SDK1: variants seen among roughly 807,000 people sequenced by gnomAD.
SDK1 encodes the protein protein sidekick-1.
In SDK1, 157 loss-of-function variants were observed where a neutral mutation model predicts 245.5. The ratio of observed to expected loss-of-function variants is 0.64; its 90% CI spans 0.56 to 0.73. SDK1 has a LOEUF of 0.73. SDK1 is among the 30% of genes least tolerant of loss of function. The probability of loss-of-function intolerance (pLI) is 0.00; values close to 1 mark genes in which losing one functional copy is unlikely to be tolerated. For synonymous variants in SDK1, 1,647 were observed against 1,278.5 expected, an observed-to-expected ratio of 1.29 and a Z score of -6.15; for missense variants, 3,583 against 3,002.3, an observed-to-expected ratio of 1.19 and a Z score of -4.52.
chr7:4,041,109 A>G (rs919034861), intron 17 of SDK1, among the ~76,000 whole-genome samples: 6 of 152,146 alleles, frequency 3.9e-5, no homozygotes, highest in Non-Finnish European at 7.4e-5. Context: ...CAGACAAACA[A>G]ATTCACAGAT....
At chr7:3,318,538 C>T (rs1299198805) in intron 1 of SDK1, among the ~76,000 whole-genome samples, 1 of 152,194 alleles carries the variant, frequency 6.6e-6, no homozygotes, top group South Asian at 2.1e-4. Flanking sequence ...TGTGTTTCTC[C>T]TTCTCAACTG....
chr7:3,907,569 G>A lies in SDK1; in HGVS notation c.848-43354G>A, dbSNP rs76943162. ...ATTGGCTCTTGTGAATAATGCTGCA[G>A]TGAACATTCGTGTACAAGTATCTGT... On this transcript the variant is annotated intron_variant, in intron 5 of 44. Transcript: ENST00000404826. Among the ~76,000 whole-genome samples the A allele has an allele frequency of 1.2e-3, 183 of 152,306 alleles. 1 individual carries two copies. The East Asian group carries it at 0.033, about 27-fold the overall frequency.
intron 4 of SDK1, among the ~76,000 whole-genome samples, chr7:3,722,130 T>C (rs1246899841): frequency 3.9e-5 from 6 of 152,140 alleles, no homozygotes; most frequent in African/African-American, 1.4e-4. Flanking sequence ...TCTTCCTTCC[T>C]TGGACTCCCA....
intron 4 of SDK1, among the ~76,000 whole-genome samples, chr7:3,794,482 G>C (rs1020367772): frequency 6.6e-6 from 1 of 152,184 alleles, no homozygotes; most frequent in Non-Finnish European, 1.5e-5. Flanking sequence ...GGGCTCTTAA[G>C]AAGTGACTGG....
chr7:3,998,219 G>C (rs1784822145), intron 14 of SDK1, among the ~76,000 whole-genome samples: 1 of 152,238 alleles, frequency 6.6e-6, no homozygotes, highest in South Asian at 2.1e-4. Flanking sequence ...CTCGTAAGGG[G>C]CAGAGCTTCC....
At chr7:3,989,138 A>T (rs1784098225) in intron 14 of SDK1, among the ~76,000 whole-genome samples, 4 of 152,232 alleles carry the variant, frequency 2.6e-5, no homozygotes, top group African/African-American at 9.6e-5. Flanking sequence ...CTGCCAATAA[A>T]GACACACCCA....
chr7:3,409,326 G>T (rs1779136985), intron 1 of SDK1, among the ~76,000 whole-genome samples: 1 of 147,900 alleles, frequency 6.8e-6, no homozygotes, highest in Non-Finnish European at 1.5e-5. Flanking sequence ...ATGCCTTTGA[G>T]GCCATCTGAA....
At chr7:3,841,636 G>A (rs1178834542) in intron 5 of SDK1, among the ~76,000 whole-genome samples, 2 of 151,268 alleles carry the variant, frequency 1.3e-5, no homozygotes, top group South Asian at 2.1e-4. Context: ...GCGCAATCTC[G>A]GCTCACTGCA....
At chr7:3,614,752 G>T (rs371799009) in intron 1 of SDK1, among the ~76,000 whole-genome samples, 1 of 152,132 alleles carries the variant, frequency 6.6e-6, no homozygotes, top group Admixed American at 6.6e-5. Context: ...AATACGTGTC[G>T]TTATGATTTT....
intron 4 of SDK1, among the ~76,000 whole-genome samples, chr7:3,817,766 C>T (rs1168207706): frequency 6.6e-6 from 1 of 152,220 alleles, no homozygotes; most frequent in East Asian, 1.9e-4. Context: ...CTACTCTCTT[C>T]CTCGGATTTC....
intron 4 of SDK1, among the ~76,000 whole-genome samples, chr7:3,701,985 T>C (rs1462652513): frequency 6.6e-6 from 1 of 151,522 alleles, no homozygotes. Flanking sequence ...ACCCTAATCT[T>C]TATATAAAAA....
intron 4 of SDK1, among the ~76,000 whole-genome samples, chr7:3,703,298 C>T (rs567998476): frequency 6.6e-6 from 1 of 151,938 alleles, no homozygotes; most frequent in South Asian, 2.1e-4. Flanking sequence ...AGGAGTGAGC[C>T]GTTAATAATG....
intron 5 of SDK1, among the ~76,000 whole-genome samples, chr7:3,944,785 G>A (rs1032746795): frequency 8.5e-5 from 13 of 152,184 alleles, no homozygotes; most frequent in Admixed American, 3.9e-4. Flanking sequence ...AAGAAAGGGA[G>A]AGGAGCCAGT....
chr7:3,863,725 A>G (rs1022348715), intron 5 of SDK1, among the ~76,000 whole-genome samples: 10 of 152,164 alleles, frequency 6.6e-5, no homozygotes, highest in East Asian at 1.9e-4. Context: ...ACTCAGTGCA[A>G]TGTCTTCAGG....
intron 5 of SDK1, among the ~76,000 whole-genome samples, chr7:3,920,241 A>T (rs948864383): frequency 2.0e-5 from 3 of 152,166 alleles, no homozygotes; most frequent in Non-Finnish European, 4.4e-5. Flanking sequence ...TGATTCGTTG[A>T]AAGATCTTAG....
chr7:3,665,273 C>T (rs371281519), intron 4 of SDK1, among the ~76,000 whole-genome samples: 6 of 152,202 alleles, frequency 3.9e-5, no homozygotes, highest in East Asian at 1.9e-4. Flanking sequence ...CTTGAGCCCC[C>T]TCTTTCACTA....
In SDK1 at chr7:3,695,869, T is replaced by A. The variant is rs189966214; in HGVS notation, c.713+53764T>A. On this transcript the variant is annotated intron_variant, in intron 4 of 44. Coordinates refer to ENST00000404826, the MANE Select transcript of SDK1 (RefSeq NM_152744.4). ...GAAGTCATCACCCAAATTACCTTAT[T>A]TCATTCTGCAGTGATGACACAATCA... is the stretch of plus-strand genomic sequence containing the variant. Among the ~76,000 whole-genome samples, 219 of 152,324 alleles carry A rather than the reference T, an allele frequency of 1.4e-3. 2 individuals carry two copies. Among genetic ancestry groups the A allele is most frequent in the Admixed American group, 0.011 (175 of 15,308 alleles).
At chr7:4,148,858 C>T (rs1238186589) in intron 29 of SDK1, among the ~76,000 whole-genome samples, 1 of 152,128 alleles carries the variant, frequency 6.6e-6, no homozygotes, top group African/African-American at 2.4e-5. Flanking sequence ...GAGATCAAGA[C>T]CATCCTGGCC....
chr7:3,895,756 T>C (rs1386326480), intron 5 of SDK1, among the ~76,000 whole-genome samples: 1 of 152,228 alleles, frequency 6.6e-6, no homozygotes, highest in African/African-American at 2.4e-5. Flanking sequence ...TGCTTTAGGC[T>C]CATCTCCCCA....
Sources: allele counts gnomAD v4.1 joint callset (sites outside exome capture counted in the v4.1 genomes callset), GRCh38; gene constraint gnomAD v4.1.1; transcripts MANE v1.5; gene names NCBI Gene and HGNC (gene_info 2026-07-23, HGNC 2026-07-21).